The following NELFCD variants were observed in gnomAD, a reference collection of about 807,000 sequenced individuals.
NELFCD encodes the protein negative elongation factor complex member C/D, also known as negative elongation factor C/D.
NELFCD carries 48 observed loss-of-function variants against 72.9 expected under a neutral mutation model. That is an observed-to-expected ratio of 0.66 (90% CI 0.52 to 0.84). NELFCD has a LOEUF of 0.84. Ranked by LOEUF, NELFCD falls within the 40% of genes least tolerant of loss-of-function variation. The pLI is 0.00. For synonymous variants in NELFCD, 297 were observed against 280.6 expected (o/e 1.06, Z -0.59); for missense variants, 538 against 723.8 (o/e 0.74, Z 2.94).
chr20:58,987,650 A>G, intron 3 of NELFCD, 58 bp from the exon 4 acceptor site: 1 of 1,413,630 alleles, frequency 7.1e-7, no homozygotes, highest in Non-Finnish European at 9.9e-7. Flanking sequence ...TTTGCTTTCT[A>G]AAGCCACACA....
rs562466010 is a variant in NELFCD, at chr20:58,987,216, T to C, written c.286+353T>C. On this transcript the variant is annotated intron_variant, in intron 3 of 14. Transcript: ENST00000652272. Reference sequence around the variant, plus strand: ...CAGTAAATGACGGATAATTTAGGACTGGCTGTGATTATGGCTTTTAGTTAA... The same window carrying C: ...CAGTAAATGACGGATAATTTAGGACCGGCTGTGATTATGGCTTTTAGTTAA... 1.9e-4 allele frequency: 51 copies of C among 275,350 alleles called. No individual in the cohort carries two copies. The East Asian group carries it at 3.6e-3, about 20-fold the overall frequency. 17.1% of individuals were successfully genotyped at this position (275,350 alleles called of 1,614,324 possible).
intron 13 of NELFCD, 100 bp from the exon 14 acceptor site, chr20:58,994,009 TG>T (rs1312114470): frequency 6.4e-6 from 9 of 1,404,496 alleles, no homozygotes; most frequent in Non-Finnish European, 8.8e-6. Context: ...CCGGTGGGGG[TG>T]GGGAGGGATT....
rs1368641605 is a variant in NELFCD, at chr20:58,993,780, T to C, written c.1581+16T>C. ...TGTCACTGAGGTCAGCAATGCACCGTTGGTTTCATGTTTCATACTGTTTAC... is the reference window on the plus strand; with the variant it reads ...TGTCACTGAGGTCAGCAATGCACCGCTGGTTTCATGTTTCATACTGTTTAC... On this transcript the variant is annotated intron_variant, in intron 13 of 14. Coordinates refer to ENST00000652272, the MANE Select transcript of NELFCD (RefSeq NM_198976.4). The surrounding 1 kb of genome is among the most constrained non-coding windows in gnomAD (Gnocchi z 5.0). 1.9e-6 allele frequency: 3 copies of C among 1,613,380 alleles called. No homozygotes were observed. Among genetic ancestry groups the C allele is most frequent in the Non-Finnish European group, 2.5e-6 (3 of 1,179,766 alleles).
At position 58,987,890 on chromosome 20, in the gene NELFCD, G is replaced by A. The variant is rs549904797; in HGVS notation, c.396+73G>A. On this transcript the variant is annotated intron_variant, in intron 4 of 14. Transcript: ENST00000652272. ...GCAAATTCCCTGTGTACAGTGGAGC[G>A]TGGCATATCATGTAAGTAATGGCAG... 2.9e-4 allele frequency: 321 copies of A among 1,114,388 alleles called. 2 individuals carry two copies. In the Admixed American group the frequency reaches 5.1e-3, roughly 18 times the overall value. The allele number at this position is 1,114,388 out of a possible 1,614,324, so 69.0% of individuals were successfully genotyped here.
At chr20:58,985,495 C>T (rs2091765194) in intron 1 of NELFCD, among the ~76,000 whole-genome samples, 1 of 152,158 alleles carries the variant, frequency 6.6e-6, no homozygotes, top group South Asian at 2.1e-4. Context: ...GCCTGCTTTG[C>T]CCTTAGATGG....
intron 1 of NELFCD, among the ~76,000 whole-genome samples, chr20:58,982,524 A>G (rs73295298): frequency 0.12 from 18,349 of 152,172 alleles, 1,203 homozygotes; most frequent in Admixed American, 0.19. Context: ...GTGGTATTAT[A>G]AGGGAATAAA....
rs777436885 is a variant in NELFCD at position 58,990,999 on chromosome 20, A to G, written c.878A>G (p.Lys293Arg). 3.7e-6 allele frequency: 6 copies of G among 1,614,194 alleles called. No homozygotes were observed. The East Asian group carries it at 1.1e-4, about 30-fold the overall frequency. The part of the protein sequence containing the change: ...ACQALGAMLS[K>R]GALNPADITV... ...CAGGCTCTCGGGGCCATGCTGTCCA[A>G]AGGAGCCCTGAACCCTGCTGACATC... Residue 293 changes from lysine to arginine, a missense_variant, in exon 8 of 15, where the codon AAA becomes AGA. This residue lies in a region of NELFCD where 355 missense variants were observed against 534.5 expected (regional missense o/e 0.66). Coordinates refer to ENST00000652272, the MANE Select transcript of NELFCD (RefSeq NM_198976.4).
intron 3 of NELFCD, chr20:58,987,138 G>T: frequency 2.4e-6 from 1 of 415,326 alleles, no homozygotes; most frequent in Non-Finnish European, 4.3e-6. Flanking sequence ...AGAATTATAG[G>T]ATTATACAGT....
intron 5 of NELFCD, 44 bp downstream of exon 5, chr20:58,989,065 T>C: frequency 7.0e-7 from 1 of 1,427,952 alleles, no homozygotes; most frequent in Non-Finnish European, 9.9e-7. Context: ...TTTATGAATG[T>C]TTATTTTTGG....
At position 58,988,036 on chromosome 20, in the gene NELFCD, A is replaced by G. The variant is rs1201374888; in HGVS notation, c.396+219A>G. 5.5e-6 allele frequency: 3 copies of G among 544,692 alleles called. No homozygotes were observed. The African/African-American group carries it at 5.7e-5, about 10-fold the overall frequency. The allele number at this position is 544,692 out of a possible 1,614,324, so 33.7% of individuals were successfully genotyped here. On this transcript the variant is annotated intron_variant, in intron 4 of 14. Coordinates refer to ENST00000652272, the MANE Select transcript of NELFCD (RefSeq NM_198976.4). ...AAGAGGCACACAGGTGCTGAGATCA[A>G]GAGAATGAACAGCAAGTTCCCACCA...
At position 58,986,330 on chromosome 20, in the gene NELFCD, G is replaced by A. The variant is rs573955721; in HGVS notation, c.176+122G>A. On this transcript the variant is annotated intron_variant, in intron 2 of 14. Transcript: ENST00000652272. The surrounding 1 kb of genome is among the most constrained non-coding windows in gnomAD (Gnocchi z 4.4). ...CGCGAACTGAACTAAAGGCTTCAAG[G>A]GGGGGTCCCCTCTGCCACTTTTTTT... The A allele has an allele frequency of 1.4e-5, 9 of 665,018 alleles. No individual in the cohort carries two copies. The highest frequency in any genetic ancestry group is 9.0e-5 in the Admixed American group (3 of 33,312). The allele number at this position is 665,018 out of a possible 1,614,324, so 41.2% of individuals were successfully genotyped here. A position where few individuals can be genotyped will look rare whatever the true frequency, so the allele number is the denominator to read the frequency against.
Position 58,993,559 on chromosome 20 carries a change from T to A in NELFCD, c.1440+15T>A. 1 of 1,614,202 alleles carries A rather than the reference T, an allele frequency of 6.2e-7. No individual in the cohort carries two copies. Among genetic ancestry groups the A allele is most frequent in the Non-Finnish European group, 8.5e-7 (1 of 1,180,028 alleles). ...TGATGGAGCAGGTGAGCAGTGCCCG[T>A]GGGGCTTGCCAGAGGGCTGAGGAGG... On this transcript the variant is annotated intron_variant, in intron 12 of 14. Transcript: ENST00000652272. The surrounding 1 kb of genome is among the most constrained non-coding windows in gnomAD (Gnocchi z 5.0).
rs780702282 is a variant in NELFCD, at chr20:58,991,273, ACGCCTGCC to A, written c.955-38_955-31del. On this transcript the variant is annotated intron_variant, in intron 8 of 14. Coordinates refer to ENST00000652272, the MANE Select transcript of NELFCD (RefSeq NM_198976.4). ...GGGGAGGTGGGTGAGCAGTGCCCTC[ACGCCTGCC>A]ATCCCGAACTGGGCATATGCTTCTC... 2.5e-6 allele frequency: 4 copies of A among 1,612,992 alleles called. No homozygotes were observed. In the East Asian group the frequency reaches 8.9e-5, roughly 36 times the overall value.
chr20:58,991,583 G>A (rs573200665), intron 9 of NELFCD, 137 bp downstream of exon 9: 127 of 1,002,270 alleles, frequency 1.3e-4, no homozygotes, highest in South Asian at 1.1e-3. Flanking sequence ...GTGTTTCTGC[G>A]TAGAGAAAGC....
chr20:58,989,992 A>C lies in NELFCD; in HGVS notation c.788+4A>C, dbSNP rs746702794. On this transcript the variant is annotated splice_donor_region_variant and intron_variant, in intron 7 of 14. Coordinates refer to ENST00000652272, the MANE Select transcript of NELFCD (RefSeq NM_198976.4). ...TGCAGCGCTTTGCCCAGGAGAAGTG[A>C]GAGGCCCTGTTTCTGCTCAGCCCTT... The C allele has an allele frequency of 6.2e-7, 1 of 1,611,820 alleles. No homozygotes were observed. Among genetic ancestry groups the C allele is most frequent in the Admixed American group, 1.7e-5 (1 of 60,028 alleles).
intron 6 of NELFCD, 89 bp downstream of exon 6, chr20:58,989,729 A>G: frequency 1.9e-6 from 3 of 1,599,212 alleles, no homozygotes; most frequent in Non-Finnish European, 2.6e-6. Flanking sequence ...CCTGGAGAGA[A>G]TCTCCATTTC....
At chr20:58,985,174 A>G (rs1331622006) in intron 1 of NELFCD, among the ~76,000 whole-genome samples, 1 of 152,206 alleles carries the variant, frequency 6.6e-6, no homozygotes, top group Non-Finnish European at 1.5e-5. Flanking sequence ...GTGTTCCGTA[A>G]AAGTTTATTT....
At chr20:58,990,846 TAAAAAAGAACAG>T in intron 7 of NELFCD, 52 bp from the exon 8 acceptor site, 1 of 1,439,558 alleles carries the variant, frequency 6.9e-7, no homozygotes, top group Non-Finnish European at 9.6e-7. Flanking sequence ...ATTATATGTG[TAAAAAAGAACAG>T]AAAAAAGAAG....
At chr20:58,981,600 C>T (rs1017115166) in intron 1 of NELFCD, among the ~76,000 whole-genome samples, 9 of 150,578 alleles carry the variant, frequency 6.0e-5, no homozygotes, top group African/African-American at 2.2e-4. Context: ...CCTGCAGGAC[C>T]TTGGGGTGGG....
Sources: gnomAD v4.1 joint callset for allele counts (sites outside exome capture counted in the v4.1 genomes callset) on GRCh38, gnomAD v4.1.1 for gene constraint, gnomAD v4.1.1 regional missense constraint, Gnocchi (gnomAD v3.1) non-coding constraint, MANE v1.5 for transcripts, NCBI Gene and HGNC (gene_info 2026-07-23, HGNC 2026-07-21) for gene names.